Variants in RERE observed in about 807,000 individuals in gnomAD.
The protein encoded by RERE is arginine-glutamic acid dipeptide repeats protein.
Under a neutral mutation model 146.1 loss-of-function variants are expected in RERE, and 40 were observed. That is an observed-to-expected ratio of 0.27 (90% CI 0.21 to 0.36). The LOEUF (loss-of-function observed/expected upper bound fraction) is 0.36, where lower values mean the gene tolerates loss of function less well. Among genes scored for constraint, RERE ranks in the 10% least tolerant of loss-of-function variants. The pLI, the probability that RERE is intolerant of heterozygous loss-of-function variation, is 1.00. For missense variants in RERE, 1,933 were observed against 2,138.7 expected (o/e 0.90, Z 1.90); for synonymous variants, 1,003 against 866.0 (o/e 1.16, Z -2.78).
At chr1:8,710,706 G>A (rs1472488576) in intron 1 of RERE, among the ~76,000 whole-genome samples, 2 of 152,050 alleles carry the variant, frequency 1.3e-5, no homozygotes, top group Non-Finnish European at 2.9e-5. Flanking sequence ...TAGTAGAGAC[G>A]GGGTTTCACC....
chr1:8,468,837 C>A (rs1644640836), intron 10 of RERE, among the ~76,000 whole-genome samples: 1 of 151,356 alleles, frequency 6.6e-6, no homozygotes, highest in Admixed American at 6.6e-5. Context: ...GTTAAGGCTG[C>A]AGTAGTCTTG....
At chr1:8,539,374 C>T (rs140121361) in intron 7 of RERE, among the ~76,000 whole-genome samples, 109 of 151,640 alleles carry the variant, frequency 7.2e-4, no homozygotes, top group African/African-American at 2.4e-3. Flanking sequence ...AACAAACAAA[C>T]TCAACCATCA....
chr1:8,801,140 C>T lies in RERE; in HGVS notation c.-145+16020G>A, dbSNP rs1036509990. Among the ~76,000 whole-genome samples the T allele has an allele frequency of 2.0e-5, 3 of 151,650 alleles. No homozygotes were observed. In the East Asian group the frequency reaches 5.8e-4, roughly 30 times the overall value. ...CAGGTGTGGTAGTGCATTCCTGTAG[C>T]CTCAGCTACTGGAGGGGGTTGAGAT... is the stretch of plus-strand genomic sequence containing the variant. On this transcript the variant is annotated intron_variant, in intron 1 of 22. Transcript: ENST00000400908.
intron 6 of RERE, among the ~76,000 whole-genome samples, chr1:8,552,017 G>C (rs982006776): frequency 2.0e-5 from 3 of 152,196 alleles, no homozygotes; most frequent in Non-Finnish European, 4.4e-5. Context: ...TACCTTGAAA[G>C]GTAGAGATAA....
rs112819314 is a variant in RERE, at chr1:8,692,649, C to T, written c.-144-36208G>A. 6.0e-3 allele frequency among the ~76,000 whole-genome samples: 914 copies of T among 152,006 alleles called. 12 individuals are homozygous for T. Among genetic ancestry groups the T allele is most frequent in the African/African-American group, 0.02 (840 of 41,464 alleles). Reference sequence around the variant, plus strand: ...CAGGCATGAGCCACCGTATTCGGCCCGGTATACTTTAAAAAGAATCTCTAG... The same window carrying T: ...CAGGCATGAGCCACCGTATTCGGCCTGGTATACTTTAAAAAGAATCTCTAG... On this transcript the variant is annotated intron_variant, in intron 1 of 22. Coordinates refer to ENST00000400908, the MANE Select transcript of RERE (RefSeq NM_001042681.2).
chr1:8,542,129 A>T (rs1208818018), intron 6 of RERE, among the ~76,000 whole-genome samples: 3 of 152,144 alleles, frequency 2.0e-5, no homozygotes, highest in Non-Finnish European at 2.9e-5. Flanking sequence ...TAACTTCCAA[A>T]TCCAAACACA....
chr1:8,745,687 C>G (rs1003996079), intron 1 of RERE, among the ~76,000 whole-genome samples: 4 of 152,176 alleles, frequency 2.6e-5, no homozygotes, highest in Non-Finnish European at 5.9e-5. Flanking sequence ...GTCCTCAGCC[C>G]CTTCTCTTCC....
chr1:8,685,571 C>CA (rs200870707), intron 1 of RERE, among the ~76,000 whole-genome samples: 3,191 of 151,956 alleles, frequency 0.021, 54 homozygotes, highest in Middle Eastern at 0.045. Flanking sequence ...AACACACACA[C>CA]AAAAAAACAA....
chr1:8,506,211 G>A (rs1164795731), intron 8 of RERE, among the ~76,000 whole-genome samples: 1 of 152,208 alleles, frequency 6.6e-6, no homozygotes, highest in African/African-American at 2.4e-5. Flanking sequence ...TTGAGTATCA[G>A]GTTCCCAGAC....
At chr1:8,434,674 A>G (rs1383219855) in intron 11 of RERE, 1 of 152,236 alleles carries the variant, frequency 6.6e-6, no homozygotes, top group Non-Finnish European at 1.5e-5. Context: ...AGACTACATC[A>G]TACAAAGCAA....
intron 1 of RERE, among the ~76,000 whole-genome samples, chr1:8,697,755 C>T (rs1390788984): frequency 6.6e-6 from 1 of 152,160 alleles, no homozygotes; most frequent in African/African-American, 2.4e-5. Flanking sequence ...TTACATGTAA[C>T]TTATGCAAGC....
At chr1:8,588,817 C>T (rs1646457844) in intron 4 of RERE, among the ~76,000 whole-genome samples, 2 of 152,194 alleles carry the variant, frequency 1.3e-5, no homozygotes, top group Admixed American at 1.3e-4. Flanking sequence ...CACCTTAAAA[C>T]ATGGCTTAAG....
At chr1:8,525,174 T>G (rs930573302) in intron 7 of RERE, among the ~76,000 whole-genome samples, 2 of 152,208 alleles carry the variant, frequency 1.3e-5, no homozygotes, top group Non-Finnish European at 2.9e-5. Context: ...AAAATCAATT[T>G]TAAGGTGTTA....
intron 1 of RERE, among the ~76,000 whole-genome samples, chr1:8,797,374 C>A (rs1641497569): frequency 2.5e-5 from 1 of 40,558 alleles, no homozygotes; most frequent in African/African-American, 1.3e-4. Flanking sequence ...TAAGACTCCG[C>A]CTAAAAAAAA....
intron 1 of RERE, among the ~76,000 whole-genome samples, chr1:8,697,990 T>G (rs763286483): frequency 9.2e-5 from 14 of 152,198 alleles, no homozygotes; most frequent in Non-Finnish European, 1.9e-4. Context: ...TATGTATAAG[T>G]TATCAATTAC....
chr1:8,497,860 C>T (rs1177692751), intron 8 of RERE, among the ~76,000 whole-genome samples: 1 of 152,148 alleles, frequency 6.6e-6, no homozygotes, highest in African/African-American at 2.4e-5. Context: ...TAGATGATAA[C>T]AGCTATTGAT....
intron 1 of RERE, among the ~76,000 whole-genome samples, chr1:8,725,566 A>T (rs1639945941): frequency 1.3e-5 from 2 of 152,326 alleles, no homozygotes; most frequent in African/African-American, 4.8e-5. Context: ...ATTTTGTCTC[A>T]AAAAACAAAA....
chr1:8,644,011 A>G (rs1289013608), intron 2 of RERE, among the ~76,000 whole-genome samples: 1 of 152,184 alleles, frequency 6.6e-6, no homozygotes, highest in African/African-American at 2.4e-5. Flanking sequence ...TGCACATTCT[A>G]TTGACCTCAC....
chr1:8,421,301 A>G (rs1643906346), intron 12 of RERE, among the ~76,000 whole-genome samples: 1 of 152,214 alleles, frequency 6.6e-6, no homozygotes, highest in Admixed American at 6.5e-5. Context: ...ATTTTTAATC[A>G]TATCAAACTT....
Sources: allele counts gnomAD v4.1 joint callset (sites outside exome capture counted in the v4.1 genomes callset), GRCh38; gene constraint gnomAD v4.1.1; transcripts MANE v1.5; gene names NCBI Gene and HGNC (gene_info 2026-07-23, HGNC 2026-07-21).